UNC13C: variants seen among roughly 807,000 people sequenced by gnomAD.
UNC13C encodes the protein protein unc-13 homolog C.
Under a neutral mutation model 245.4 loss-of-function variants are expected in UNC13C, and 174 were observed. The observed-to-expected ratio is 0.71, with a 90% CI of 0.63 to 0.80. The LOEUF (loss-of-function observed/expected upper bound fraction) is 0.80, where lower values mean the gene tolerates loss of function less well. Among genes scored for constraint, UNC13C ranks in the 30% least tolerant of loss-of-function variants. The probability of loss-of-function intolerance (pLI) is 0.00; values close to 1 mark genes in which losing one functional copy is unlikely to be tolerated. For missense variants in UNC13C, 2,829 were observed against 2,602.9 expected (o/e 1.09, Z -1.89); for synonymous variants, 992 against 895.1 (o/e 1.11, Z -1.93).
intron 13 of UNC13C, among the ~76,000 whole-genome samples, chr15:54,305,429 A>T (rs2037700412): frequency 6.6e-6 from 1 of 152,120 alleles, no homozygotes; most frequent in Non-Finnish European, 1.5e-5. Context: ...AGTTTCCACC[A>T]TACTTTTAAA....
chr15:54,466,428 T>A (rs1051743583), intron 19 of UNC13C, among the ~76,000 whole-genome samples: 5 of 151,904 alleles, frequency 3.3e-5, no homozygotes, highest in Non-Finnish European at 7.4e-5. Context: ...TGAAAATATC[T>A]CATGTACCCC....
intron 19 of UNC13C, among the ~76,000 whole-genome samples, chr15:54,440,081 T>C (rs1271815230): frequency 7.2e-5 from 11 of 151,824 alleles, no homozygotes; most frequent in African/African-American, 2.7e-4. Context: ...TCATGGGGGG[T>C]GGGTTCCCCC....
chr15:54,059,968 A>T (rs1897733513), intron 2 of UNC13C, among the ~76,000 whole-genome samples: 2 of 152,236 alleles, frequency 1.3e-5, no homozygotes, highest in South Asian at 4.1e-4. Flanking sequence ...AAATTAATTC[A>T]AGATGGATTA....
intron 8 of UNC13C, among the ~76,000 whole-genome samples, chr15:54,251,151 T>C (rs1396492809): frequency 2.6e-5 from 4 of 152,196 alleles, no homozygotes; most frequent in African/African-American, 4.8e-5. Flanking sequence ...CAAGATATGC[T>C]TCTGCATTTA....
chr15:54,014,829 T>C lies in UNC13C; in HGVS notation c.1926T>C (p.His642=). 1.9e-6 allele frequency: 3 copies of C among 1,613,912 alleles called. No homozygotes were observed. Among genetic ancestry groups the C allele is most frequent in the South Asian group, 1.1e-5 (1 of 91,080 alleles). Residue 642 remains histidine, a synonymous_variant, in exon 2 of 33, where the codon CAT becomes CAC. Coordinates refer to ENST00000260323, the MANE Select transcript of UNC13C (RefSeq NM_001080534.3). ...TGTGTGCATCTGGAGACCGGAGTCA[T>C]TACAGTGATTCTCAGCTCTCTTTAC... is the stretch of plus-strand genomic sequence containing the variant. ...GMVCASGDRS[H]YSDSQLSLHE... is the part of the protein sequence containing the mutation.
chr15:54,019,539 C>A (rs1028213053), intron 2 of UNC13C, among the ~76,000 whole-genome samples: 1 of 152,136 alleles, frequency 6.6e-6, no homozygotes, highest in Non-Finnish European at 1.5e-5. Flanking sequence ...GTTGTATTTG[C>A]AGTCTGATAC....
At chr15:54,271,946 A>G (rs566514240) in intron 10 of UNC13C, among the ~76,000 whole-genome samples, 1 of 152,324 alleles carries the variant, frequency 6.6e-6, no homozygotes, top group East Asian at 1.9e-4. Context: ...TATGTAAAGC[A>G]CTGTAGTTAA....
chr15:53,885,724 C>G, the UNC13C span, among the ~76,000 whole-genome samples: 1 of 152,152 alleles, frequency 6.6e-6, no homozygotes, highest in Non-Finnish European at 1.5e-5. Flanking sequence ...GTGATCACAC[C>G]TTTCTGCCCC....
intron 2 of UNC13C, among the ~76,000 whole-genome samples, chr15:54,047,661 A>T (rs563062330): frequency 6.6e-6 from 1 of 152,208 alleles, no homozygotes; most frequent in Non-Finnish European, 1.5e-5. Flanking sequence ...TAGATATTTG[A>T]GTTGTTTCCG....
intron 30 of UNC13C, among the ~76,000 whole-genome samples, chr15:54,602,557 C>T (rs1244136713): frequency 6.6e-6 from 1 of 152,150 alleles, no homozygotes; most frequent in African/African-American, 2.4e-5. Context: ...TTAGAGGATG[C>T]TCTAAGTTTT....
intron 30 of UNC13C, among the ~76,000 whole-genome samples, chr15:54,568,987 A>G (rs2141218711): frequency 6.6e-6 from 1 of 152,302 alleles, no homozygotes; most frequent in South Asian, 2.1e-4. Context: ...CAGAAAGGGA[A>G]AAGTCGAGCT....
intron 4 of UNC13C, among the ~76,000 whole-genome samples, chr15:54,159,850 T>G (rs1226085207): frequency 6.6e-6 from 1 of 152,174 alleles, no homozygotes; most frequent in African/African-American, 2.4e-5. Context: ...CATTATGCAG[T>G]AGTGCACTAG....
At chr15:54,176,910 A>G (rs1053527572) in intron 4 of UNC13C, among the ~76,000 whole-genome samples, 1 of 152,142 alleles carries the variant, frequency 6.6e-6, no homozygotes, top group African/African-American at 2.4e-5. Context: ...GACTCATCAC[A>G]TTAAGGTGAA....
chr15:54,335,585 G>C (rs541265366), intron 16 of UNC13C, among the ~76,000 whole-genome samples: 1 of 152,096 alleles, frequency 6.6e-6, no homozygotes, highest in Non-Finnish European at 1.5e-5. Context: ...GGTAACCACC[G>C]ATTTGTTCTT....
At chr15:54,520,795 T>C (rs1895183314) in intron 24 of UNC13C, among the ~76,000 whole-genome samples, 1 of 152,154 alleles carries the variant, frequency 6.6e-6, no homozygotes, top group Non-Finnish European at 1.5e-5. Flanking sequence ...GTGGCATATC[T>C]GTAACAGAAG....
chr15:54,155,826 T>C (rs1186142544), intron 4 of UNC13C, among the ~76,000 whole-genome samples: 1 of 152,170 alleles, frequency 6.6e-6, no homozygotes, highest in African/African-American at 2.4e-5. Flanking sequence ...GGATTCAATT[T>C]TGACACATGG....
chr15:54,546,693 G>C (rs184637997), intron 26 of UNC13C, 29 bp from the exon 27 acceptor site: 1 of 1,332,276 alleles, frequency 7.5e-7, no homozygotes, highest in Middle Eastern at 2.7e-4. Context: ...AAATTTAAAA[G>C]TGAATATATA....
intron 13 of UNC13C, among the ~76,000 whole-genome samples, chr15:54,300,693 A>C (rs1322458533): frequency 1.3e-5 from 2 of 152,152 alleles, no homozygotes; most frequent in East Asian, 3.9e-4. Context: ...CTGAGGGTGG[A>C]ATCCAGCAAC....
intron 4 of UNC13C, among the ~76,000 whole-genome samples, chr15:54,180,320 A>C (rs1201933558): frequency 1.3e-5 from 2 of 152,068 alleles, no homozygotes; most frequent in Non-Finnish European, 2.9e-5. Context: ...CCATGCTGCT[A>C]CAAAGGACAT....
Sources: allele counts gnomAD v4.1 joint callset (sites outside exome capture counted in the v4.1 genomes callset), GRCh38; gene constraint gnomAD v4.1.1; transcripts MANE v1.5; gene names NCBI Gene and HGNC (gene_info 2026-07-23, HGNC 2026-07-21).